SERPINB8: variants seen among roughly 807,000 people sequenced by gnomAD.
SERPINB8 encodes serpin B8.
A neutral mutation model predicts 35.3 loss-of-function variants in SERPINB8; 25 were observed. The ratio of observed to expected loss-of-function variants is 0.71; its 90% CI spans 0.52 to 0.99. The LOEUF (loss-of-function observed/expected upper bound fraction) is 0.99. Ranked by LOEUF, SERPINB8 falls within the 50% of genes least tolerant of loss-of-function variation. The pLI is 0.00. For synonymous variants in SERPINB8, 186 were observed against 160.8 expected (o/e 1.16, Z -1.19); for missense variants, 484 against 446.5 (o/e 1.08, Z -0.76).
intron 1 of SERPINB8, among the ~76,000 whole-genome samples, chr18:63,977,382 A>C (rs112508052): frequency 0.015 from 2,202 of 151,452 alleles, 53 homozygotes; most frequent in African/African-American, 0.051. Context: ...GCTGGAGTGC[A>C]GTGGCGTGAT....
At chr18:63,995,582 T>G (rs1425025745) in intron 1 of SERPINB8, among the ~76,000 whole-genome samples, 1 of 152,224 alleles carries the variant, frequency 6.6e-6, no homozygotes, top group East Asian at 1.9e-4. Flanking sequence ...CCTACTGGCC[T>G]TCACCCTCAA....
At chr18:64,005,920 C>T (rs1268270066), downstream of SERPINB8, among the ~76,000 whole-genome samples, 1 of 152,156 alleles carries the variant, frequency 6.6e-6, no homozygotes, top group African/African-American at 2.4e-5. Flanking sequence ...AATTTTACAA[C>T]TTCAAGCAAG....
downstream of SERPINB8, among the ~76,000 whole-genome samples, chr18:63,989,751 G>A (rs949551115): frequency 1.3e-5 from 2 of 151,682 alleles, no homozygotes; most frequent in Admixed American, 1.3e-4. Context: ...AGACCATCCC[G>A]GCTAAAACGG....
chr18:63,978,244 G>T lies in SERPINB8; in HGVS notation c.-10-55G>T, dbSNP rs894191328. On this transcript the variant is annotated intron_variant, in intron 1 of 6. Transcript: ENST00000397985. ...CACTGACTGGGGGATGAATGACTGC[G>T]TGGCTACCGGAGTCATTGGCTTATG... 3 of 1,591,720 alleles carry T rather than the reference G, an allele frequency of 1.9e-6. No individual in the cohort carries two copies. The African/African-American group carries it at 4.0e-5, about 21-fold the overall frequency.
At chr18:63,997,419 T>TC (rs1301871055) in intron 1 of SERPINB8, among the ~76,000 whole-genome samples, 1 of 152,090 alleles carries the variant, frequency 6.6e-6, no homozygotes, top group Non-Finnish European at 1.5e-5. Flanking sequence ...AGGAGTGTTG[T>TC]CCCCCTCCCA....
At chr18:64,002,642 G>GA (rs2050880955) in intron 1 of SERPINB8, among the ~76,000 whole-genome samples, 1 of 152,258 alleles carries the variant, frequency 6.6e-6, no homozygotes, top group Non-Finnish European at 1.5e-5. Flanking sequence ...CCCCCGCGGG[G>GA]CCCTCGCGTG....
intron 2 of SERPINB8, 99 bp downstream of exon 2, chr18:63,978,575 G>T: frequency 3.6e-6 from 5 of 1,405,122 alleles, no homozygotes; most frequent in Non-Finnish European, 4.9e-6. Context: ...GGCCTGTGGA[G>T]CTGGAGGTAG....
At chr18:64,008,177 T>C (rs544370615), downstream of SERPINB8, among the ~76,000 whole-genome samples, 1 of 152,138 alleles carries the variant, frequency 6.6e-6, no homozygotes, top group Non-Finnish European at 1.5e-5. Context: ...GAAAAAACAT[T>C]CATTAAGCTT....
chr18:64,002,597 A>T (rs1484490964), intron 1 of SERPINB8, among the ~76,000 whole-genome samples: 1 of 152,174 alleles, frequency 6.6e-6, no homozygotes, highest in Non-Finnish European at 1.5e-5. Flanking sequence ...TCCTTGCAAG[A>T]GCAGGAGGCC....
intron 7 of SERPINB8, among the ~76,000 whole-genome samples, chr18:64,017,937 T>A (rs2144854948): frequency 6.6e-6 from 1 of 152,302 alleles, no homozygotes; most frequent in South Asian, 2.1e-4. Flanking sequence ...ATTTTAAAAC[T>A]CCACCCTATT....
chr18:63,982,344 G>A (rs1285758722), intron 4 of SERPINB8, among the ~76,000 whole-genome samples: 4 of 152,068 alleles, frequency 2.6e-5, no homozygotes, highest in Admixed American at 6.5e-5. Flanking sequence ...GAGGTGCAGC[G>A]ACATGGAGCC....
downstream of SERPINB8, among the ~76,000 whole-genome samples, chr18:64,006,166 T>G (rs192429330): frequency 2.0e-5 from 3 of 152,288 alleles, no homozygotes; most frequent in East Asian, 3.9e-4. Flanking sequence ...GTCATCTGGA[T>G]TCCGTGAGTG....
At chr18:63,985,823 T>C (rs990243753) in intron 6 of SERPINB8, among the ~76,000 whole-genome samples, 1 of 152,156 alleles carries the variant, frequency 6.6e-6, no homozygotes, top group African/African-American at 2.4e-5. Flanking sequence ...AGGGAAGTGG[T>C]AAACTTGCAA....
downstream of SERPINB8, among the ~76,000 whole-genome samples, chr18:63,994,016 C>T (rs1338670729): frequency 6.6e-6 from 1 of 152,140 alleles, no homozygotes; most frequent in Admixed American, 6.5e-5. Context: ...TCAAGCTCAG[C>T]ACTCAGTACT....
At chr18:64,009,627 T>G (rs1158248780), downstream of SERPINB8, among the ~76,000 whole-genome samples, 2 of 152,246 alleles carry the variant, frequency 1.3e-5, no homozygotes, top group Admixed American at 1.3e-4. Flanking sequence ...CTGGGAAAAC[T>G]GATTTTTCTT....
At chr18:64,009,668 A>T (rs1347555996), downstream of SERPINB8, among the ~76,000 whole-genome samples, 1 of 152,252 alleles carries the variant, frequency 6.6e-6, no homozygotes, top group East Asian at 1.9e-4. Context: ...AGAATTGCTG[A>T]CAACCCATTT....
intron 7 of SERPINB8, among the ~76,000 whole-genome samples, chr18:64,013,883 G>A (rs372837742): frequency 7.2e-5 from 11 of 152,318 alleles, no homozygotes; most frequent in South Asian, 4.1e-4. Flanking sequence ...TGAAACAGAA[G>A]GGGAATGGTA....
At chr18:64,006,403 G>A (rs2144846023), downstream of SERPINB8, among the ~76,000 whole-genome samples, 2 of 152,276 alleles carry the variant, frequency 1.3e-5, no homozygotes, top group South Asian at 2.1e-4. Flanking sequence ...ATGAGGTCTT[G>A]AGAATGGGAA....
chr18:63,989,393 T>C (rs1489712558), downstream of SERPINB8: 3 of 152,246 alleles, frequency 2.0e-5, no homozygotes, highest in Non-Finnish European at 4.4e-5. Flanking sequence ...TATGGACATA[T>C]GTCTTCATTT....
Sources: gnomAD v4.1 joint callset for allele counts (sites outside exome capture counted in the v4.1 genomes callset) on GRCh38, gnomAD v4.1.1 for gene constraint, MANE v1.5 for transcripts, NCBI Gene and HGNC (gene_info 2026-07-23, HGNC 2026-07-21) for gene names.